The following DENND2A variants were observed in gnomAD, a reference collection of about 807,000 sequenced individuals.
DENND2A encodes the protein DENN domain containing 2A.
DENND2A carries 53 observed loss-of-function variants against 105.3 expected under a neutral mutation model. That is an observed-to-expected ratio of 0.50 (90% confidence interval 0.40 to 0.63). DENND2A has a LOEUF of 0.63. Ranked by LOEUF, DENND2A falls within the 30% of genes least tolerant of loss-of-function variation. The probability of loss-of-function intolerance (pLI) is 0.00; values close to 1 mark genes in which losing one functional copy is unlikely to be tolerated. For synonymous variants in DENND2A, 522 were observed against 508.4 expected (o/e 1.03, Z -0.36); for missense variants, 1,138 against 1,279.6 (o/e 0.89, Z 1.69).
rs187217988 is a variant in DENND2A at position 140,557,244 on chromosome 7, A to T, written c.1959+899T>A. 1.1e-3 allele frequency among the ~76,000 whole-genome samples: 166 copies of T among 151,626 alleles called. 1 individual carries two copies. In the East Asian group the frequency reaches 0.026, roughly 24 times the overall value. ...ACACAGCAAGATCCTGTCTCTACAAATAATTAAAAAATTAGCCATGTGTGG... is the reference window on the plus strand; with the variant it reads ...ACACAGCAAGATCCTGTCTCTACAATTAATTAAAAAATTAGCCATGTGTGG... On this transcript the variant is annotated intron_variant, in intron 11 of 19. Transcript: ENST00000496613.
intron 14 of DENND2A, among the ~76,000 whole-genome samples, chr7:140,531,666 C>T (rs1313889749): frequency 2.6e-5 from 4 of 151,386 alleles, no homozygotes; most frequent in African/African-American, 7.3e-5. Flanking sequence ...AAACAAAAAA[C>T]GAGTCGGGCA....
intron 14 of DENND2A, 119 bp downstream of exon 14, chr7:140,544,499 C>G: frequency 7.3e-7 from 1 of 1,366,796 alleles, no homozygotes; most frequent in Non-Finnish European, 1.0e-6. Flanking sequence ...CCAGCCTATT[C>G]CATCCTTATC....
At chr7:140,621,686 T>C (rs1452063380) in intron 1 of DENND2A, among the ~76,000 whole-genome samples, 1 of 152,096 alleles carries the variant, frequency 6.6e-6, no homozygotes, top group Admixed American at 6.6e-5. Context: ...CTGGGAGAAA[T>C]GTAAAATAGA....
rs375635641 is a variant in DENND2A at position 140,602,411 on chromosome 7, G to C, written c.-14C>G. 2.6e-6 allele frequency: 4 copies of C among 1,539,568 alleles called. No individual in the cohort carries two copies. Among genetic ancestry groups the C allele is most frequent in the East Asian group, 2.3e-5 (1 of 44,122 alleles). On this transcript the variant is annotated 5_prime_UTR_variant, in exon 3 of 20. Coordinates refer to ENST00000496613, the MANE Select transcript of DENND2A (RefSeq NM_015689.5). ...GAACATATCCATTCTTGACTCTAGCGTGAGGTTGTGGAGGCCTTCCAGGGG... is the reference window on the plus strand; with the variant it reads ...GAACATATCCATTCTTGACTCTAGCCTGAGGTTGTGGAGGCCTTCCAGGGG...
chr7:140,607,350 A>G (rs1041449021), intron 1 of DENND2A, among the ~76,000 whole-genome samples: 3 of 152,194 alleles, frequency 2.0e-5, no homozygotes, highest in African/African-American at 7.2e-5. Context: ...GCACATGGGT[A>G]ACAAATGAAC....
At chr7:140,532,082 G>A (rs1260298728) in intron 14 of DENND2A, among the ~76,000 whole-genome samples, 1 of 152,002 alleles carries the variant, frequency 6.6e-6, no homozygotes, top group African/African-American at 2.4e-5. Context: ...GGCCAACATG[G>A]TGAAACCCTG....
At chr7:140,568,373 C>G (rs577460047) in intron 8 of DENND2A, among the ~76,000 whole-genome samples, 1 of 152,322 alleles carries the variant, frequency 6.6e-6, no homozygotes, top group Non-Finnish European at 1.5e-5. Flanking sequence ...GACAGATGAA[C>G]TAGAGGCCCT....
At chr7:140,552,896 G>A (rs1370662815) in intron 12 of DENND2A, among the ~76,000 whole-genome samples, 1 of 151,102 alleles carries the variant, frequency 6.6e-6, no homozygotes, top group Non-Finnish European at 1.5e-5. Context: ...GGAAGAGATT[G>A]TACTATGTTT....
In DENND2A at chr7:140,591,778, CCTTT is replaced by C. The variant is rs1369592814; in HGVS notation, c.996-4002_996-3999del. Among the ~76,000 whole-genome samples, 9 of 148,842 alleles carry C rather than the reference CCTTT, an allele frequency of 6.0e-5. No homozygotes were observed. The East Asian group carries it at 7.9e-4, about 13-fold the overall frequency. ...TTTCCCTCCCTCCTTTTCTTTCCTT[CCTTT>C]CTTTCTTTTCTTTTCTTTCTTTCTT... On this transcript the variant is annotated intron_variant, in intron 3 of 19. Coordinates refer to ENST00000496613, the MANE Select transcript of DENND2A (RefSeq NM_015689.5).
chr7:140,620,128 G>A (rs367629203), intron 1 of DENND2A, among the ~76,000 whole-genome samples: 6 of 151,962 alleles, frequency 3.9e-5, no homozygotes, highest in African/African-American at 1.4e-4. Flanking sequence ...CCCAGGAGGC[G>A]GAGGTTGCAT....
chr7:140,608,891 G>A (rs563852485), intron 1 of DENND2A, among the ~76,000 whole-genome samples: 8 of 152,106 alleles, frequency 5.3e-5, no homozygotes, highest in African/African-American at 1.9e-4. Flanking sequence ...GCACCTCTTC[G>A]ATGTACCAAG....
intron 3 of DENND2A, among the ~76,000 whole-genome samples, chr7:140,592,076 A>T (rs1585710729): frequency 7.5e-6 from 1 of 132,618 alleles, no homozygotes; most frequent in Admixed American, 8.0e-5. Context: ...TTCGCTCTTG[A>T]CGCCCAGGCT....
At position 140,602,239 on chromosome 7, in the gene DENND2A, C is replaced by A. The variant is rs1368355884; in HGVS notation, c.159G>T (p.Trp53Cys). The A allele has an allele frequency of 1.2e-6, 2 of 1,614,002 alleles. No homozygotes were observed. The highest frequency in any genetic ancestry group is 8.5e-7 in the Non-Finnish European group (1 of 1,180,020). The change falls in exon 3 of 20, where the codon TGG (tryptophan) becomes TGT (cysteine). Residue 53 changes from tryptophan (W) to cysteine (C), a missense_variant. Physicochemically the swap from Trp to Cys is radical, Grantham distance 215 (BLOSUM62 -2). Coordinates refer to ENST00000496613, the MANE Select transcript of DENND2A (RefSeq NM_015689.5). Reference sequence around the variant, plus strand: ...GAGTGGGCACCTCTTTCTTCCCTTCCCATTCTGATATCTTGTCCTTTATGT... The same window carrying A: ...GAGTGGGCACCTCTTTCTTCCCTTCACATTCTGATATCTTGTCCTTTATGT... ...SLNIKDKISEWEGKKEVPTPA... is the reference protein window; with the variant it reads ...SLNIKDKISECEGKKEVPTPA...
chr7:140,573,722 T>C (rs766692245), intron 6 of DENND2A, 86 bp downstream of exon 6: 6 of 1,421,848 alleles, frequency 4.2e-6, no homozygotes, highest in Non-Finnish European at 5.8e-6. Context: ...GCCAGTGATG[T>C]ATTCTCCACC....
chr7:140,549,611 A>C (rs1797037309), intron 12 of DENND2A, among the ~76,000 whole-genome samples: 1 of 152,226 alleles, frequency 6.6e-6, no homozygotes, highest in African/African-American at 2.4e-5. Flanking sequence ...TGTTAACTAT[A>C]TGCTGAAATA....
rs140201238 is a variant in DENND2A, at chr7:140,545,252, G to A, written c.2179-486C>T. ...GCCCAGCAGGCCTGAGCAGCACTTC[G>A]GAGACTCGCTGCCACCTCAAGAAGG... On this transcript the variant is annotated intron_variant, in intron 13 of 19. Transcript: ENST00000496613. 8.5e-3 allele frequency among the ~76,000 whole-genome samples: 1,294 copies of A among 152,242 alleles called. 18 individuals are homozygous for A. Among genetic ancestry groups the A allele is most frequent in the African/African-American group, 0.03 (1,237 of 41,540 alleles).
rs749944873 is a variant in DENND2A at position 140,585,702 on chromosome 7, T to C, written c.1132A>G (p.Met378Val). ...ATGTCCTCATAAGGGTTCTCCTTCA[T>C]TGGCGGATCTGTGTTCAAAGGCAAT... ...NVYEDILDPP[M>V]KENPYEDIEL... The change falls in exon 5 of 20, where the codon ATG (methionine) becomes GTG (valine). Residue 378 changes from methionine (M) to valine (V), a missense_variant. Around this residue, in one of 2 missense-constraint regions of DENND2A, gnomAD observed 511 missense variants for 499.9 expected, o/e 1.02. Transcript: ENST00000496613. 10 of 1,614,080 alleles carry C rather than the reference T, an allele frequency of 6.2e-6. No individual in the cohort carries two copies. The highest frequency in any genetic ancestry group is 1.6e-4 in the Middle Eastern group (1 of 6,084).
chr7:140,572,628 A>G (rs977279266), intron 6 of DENND2A, among the ~76,000 whole-genome samples: 4 of 150,804 alleles, frequency 2.7e-5, no homozygotes, highest in Non-Finnish European at 5.9e-5. Flanking sequence ...GGGTGTGGTG[A>G]CTGTAGTCCC....
intron 1 of DENND2A, among the ~76,000 whole-genome samples, chr7:140,638,762 T>C (rs1259122237): frequency 6.6e-6 from 1 of 152,352 alleles, no homozygotes; most frequent in East Asian, 1.9e-4. Flanking sequence ...TGCTGTTTCC[T>C]TGGTGAGGCG....
Sources: gnomAD v4.1 joint callset for allele counts (sites outside exome capture counted in the v4.1 genomes callset) on GRCh38, gnomAD v4.1.1 for gene constraint, gnomAD v4.1.1 regional missense constraint, MANE v1.5 for transcripts, NCBI Gene and HGNC (gene_info 2026-07-23, HGNC 2026-07-21) for gene names.